PIK3AP1: variants seen among roughly 807,000 people sequenced by gnomAD.
PIK3AP1 encodes the protein phosphoinositide 3-kinase adapter protein 1.
A neutral mutation model predicts 88.1 loss-of-function variants in PIK3AP1; 21 were observed. The ratio of observed to expected loss-of-function variants is 0.24; its 90% confidence interval spans 0.17 to 0.34. PIK3AP1 has a LOEUF of 0.34. Among genes scored for constraint, PIK3AP1 ranks in the 10% least tolerant of loss-of-function variants. PIK3AP1 has a pLI of 1.00. For synonymous variants in PIK3AP1, 398 were observed against 400.0 expected, an observed-to-expected ratio of 1.00 and a Z score of 0.06; for missense variants, 828 against 1,035.7, an observed-to-expected ratio of 0.80 and a Z score of 2.75.
intron 2 of PIK3AP1, among the ~76,000 whole-genome samples, chr10:96,672,069 G>A (rs1843854981): frequency 6.6e-6 from 1 of 152,264 alleles, no homozygotes; most frequent in South Asian, 2.1e-4. Flanking sequence ...TACAGTCATG[G>A]TGGTCACACT....
At chr10:96,696,820 A>G (rs1844227388) in intron 2 of PIK3AP1, among the ~76,000 whole-genome samples, 1 of 152,238 alleles carries the variant, frequency 6.6e-6, no homozygotes, top group South Asian at 2.1e-4. Context: ...TTCATTTAAA[A>G]TTCTATTGTG....
At chr10:96,634,560 T>A (rs969236180) in intron 8 of PIK3AP1, among the ~76,000 whole-genome samples, 6 of 152,190 alleles carry the variant, frequency 3.9e-5, no homozygotes, top group Non-Finnish European at 8.8e-5. Context: ...TAAGTTTCTA[T>A]ATCTCCATCT....
intron 2 of PIK3AP1, among the ~76,000 whole-genome samples, chr10:96,693,336 A>G (rs1317809300): frequency 6.6e-6 from 1 of 152,184 alleles, no homozygotes; most frequent in East Asian, 1.9e-4. Flanking sequence ...TAAAGGGACA[A>G]TAAACAAAAT....
At chr10:96,648,161 A>C (rs1040406016) in intron 7 of PIK3AP1, among the ~76,000 whole-genome samples, 1 of 152,152 alleles carries the variant, frequency 6.6e-6, no homozygotes, top group African/African-American at 2.4e-5. Flanking sequence ...TCTGCTGAAG[A>C]AGAAACCAAG....
chr10:96,647,445 A>G (rs1258199012), intron 7 of PIK3AP1, among the ~76,000 whole-genome samples: 1 of 152,248 alleles, frequency 6.6e-6, no homozygotes, highest in African/African-American at 2.4e-5. Context: ...TACTACTATG[A>G]ACACAGTAGG....
intron 8 of PIK3AP1, among the ~76,000 whole-genome samples, chr10:96,630,927 G>A (rs1357616715): frequency 1.3e-5 from 2 of 152,168 alleles, no homozygotes; most frequent in Non-Finnish European, 2.9e-5. Flanking sequence ...ACCTGACCAA[G>A]ACTCTGTACT....
intron 8 of PIK3AP1, among the ~76,000 whole-genome samples, chr10:96,634,903 A>AG (rs1458118713): frequency 6.6e-6 from 1 of 152,132 alleles, no homozygotes; most frequent in African/African-American, 2.4e-5. Flanking sequence ...TCCAGACTCT[A>AG]GAGGCCACCT....
At chr10:96,598,631 G>A (rs1848826366) in intron 16 of PIK3AP1, among the ~76,000 whole-genome samples, 3 of 152,164 alleles carry the variant, frequency 2.0e-5, no homozygotes, top group South Asian at 2.1e-4. Context: ...CACAAGGGTC[G>A]CAACACAGAG....
chr10:96,644,985 C>T (rs1039573307), intron 8 of PIK3AP1, among the ~76,000 whole-genome samples: 7 of 152,062 alleles, frequency 4.6e-5, no homozygotes, highest in Non-Finnish European at 8.8e-5. Flanking sequence ...CTGAGTGTGT[C>T]TGCATCTGAC....
At chr10:96,679,300 G>A (rs1843966551) in intron 2 of PIK3AP1, among the ~76,000 whole-genome samples, 1 of 152,108 alleles carries the variant, frequency 6.6e-6, no homozygotes, top group African/African-American at 2.4e-5. Flanking sequence ...GGCCAAGGTG[G>A]CTGGATCTTT....
chr10:96,604,303 A>G (rs1190234488), intron 14 of PIK3AP1, among the ~76,000 whole-genome samples: 2 of 149,226 alleles, frequency 1.3e-5, no homozygotes, highest in African/African-American at 2.5e-5. Context: ...TTAGCCCCCT[A>G]AGTAGCTGGG....
intron 8 of PIK3AP1, among the ~76,000 whole-genome samples, 182 bp from the exon 9 acceptor site, chr10:96,628,675 G>A (rs1184231478): frequency 1.3e-5 from 2 of 151,778 alleles, no homozygotes; most frequent in Non-Finnish European, 2.9e-5. Flanking sequence ...ATAAAAGAGA[G>A]CAACGTGCCC....
chr10:96,619,005 TA>T (rs1003306733), intron 12 of PIK3AP1, among the ~76,000 whole-genome samples: 3 of 152,124 alleles, frequency 2.0e-5, no homozygotes, highest in African/African-American at 7.2e-5. Flanking sequence ...TAAGGAGCAC[TA>T]AAAAGGCAGA....
chr10:96,711,987 C>T (rs879484208), intron 1 of PIK3AP1, among the ~76,000 whole-genome samples: 1 of 151,674 alleles, frequency 6.6e-6, no homozygotes, highest in Non-Finnish European at 1.5e-5. Flanking sequence ...ATCTCCTGAC[C>T]TCGTGATCCA....
chr10:96,676,014 C>T (rs937057161), intron 2 of PIK3AP1, among the ~76,000 whole-genome samples: 1 of 152,058 alleles, frequency 6.6e-6, no homozygotes, highest in African/African-American at 2.4e-5. Flanking sequence ...AGGGACTTTC[C>T]CAGTTTGGCT....
At chr10:96,652,578 A>G (rs1383559670) in intron 4 of PIK3AP1, 120 bp downstream of exon 4, 5 of 1,336,400 alleles carry the variant, frequency 3.7e-6, no homozygotes, top group Non-Finnish European at 5.3e-6. Flanking sequence ...GTCTCAAAAA[A>G]AAAAAATCAA....
At chr10:96,602,435 A>G in intron 15 of PIK3AP1, 37 bp from the exon 16 acceptor site, 2 of 1,532,982 alleles carry the variant, frequency 1.3e-6, no homozygotes, top group Non-Finnish European at 1.8e-6. Context: ...GGCGAAAACT[A>G]CATTCAGCAA....
chr10:96,603,722 T>A, intron 15 of PIK3AP1: 1 of 362,648 alleles, frequency 2.8e-6, no homozygotes, highest in Non-Finnish European at 5.1e-6. Context: ...CACATATATA[T>A]ATATGTTCTG....
intron 2 of PIK3AP1, among the ~76,000 whole-genome samples, chr10:96,675,318 A>C (rs1185439537): frequency 6.6e-6 from 1 of 152,130 alleles, no homozygotes. Context: ...AGCGTCCTAG[A>C]CCACTGAGCA....
Sources: allele counts gnomAD v4.1 joint callset (sites outside exome capture counted in the v4.1 genomes callset), GRCh38; gene constraint gnomAD v4.1.1; transcripts MANE v1.5; gene names NCBI Gene and HGNC (gene_info 2026-07-23, HGNC 2026-07-21).